Variants in HSPA12A observed in about 807,000 individuals in gnomAD.
HSPA12A encodes the protein heat shock protein family A (Hsp70) member 12A, also known as heat shock 70 kDa protein 12A.
In HSPA12A, 28 loss-of-function variants were observed where a neutral mutation model predicts 69.2. The ratio of observed to expected loss-of-function variants is 0.40; its 90% CI spans 0.30 to 0.55. HSPA12A has a LOEUF of 0.55. HSPA12A is among the 20% of genes least tolerant of loss of function. The pLI, the probability that HSPA12A is intolerant of heterozygous loss-of-function variation, is 0.38. For synonymous variants in HSPA12A, 345 were observed against 370.5 expected, an observed-to-expected ratio of 0.93 and a Z score of 0.79; for missense variants, 686 against 900.7, an observed-to-expected ratio of 0.76 and a Z score of 3.05.
intron 2 of HSPA12A, among the ~76,000 whole-genome samples, chr10:116,834,285 T>C (rs552017280): frequency 6.6e-6 from 1 of 152,294 alleles, no homozygotes; most frequent in Non-Finnish European, 1.5e-5. Flanking sequence ...GCCAGGACCT[T>C]TGGCAAACCA....
At chr10:116,706,143 C>T (rs1487990244) in intron 2 of HSPA12A, among the ~76,000 whole-genome samples, 1 of 151,880 alleles carries the variant, frequency 6.6e-6, no homozygotes, top group Non-Finnish European at 1.5e-5. Flanking sequence ...GATCTGCCCA[C>T]CTCAGCCTCC....
At chr10:116,688,574 G>GA (rs1430305905) in intron 6 of HSPA12A, among the ~76,000 whole-genome samples, 4 of 152,328 alleles carry the variant, frequency 2.6e-5, no homozygotes, top group South Asian at 2.1e-4. Context: ...CCACAGCTGA[G>GA]AAAAAATAGC....
chr10:116,822,417 C>G (rs1845423073), intron 2 of HSPA12A, among the ~76,000 whole-genome samples: 1 of 152,166 alleles, frequency 6.6e-6, no homozygotes, highest in African/African-American at 2.4e-5. Flanking sequence ...ATACAGAAAG[C>G]AGGAATCACC....
intron 2 of HSPA12A, chr10:116,828,930 A>C (rs1216705915): frequency 6.6e-6 from 1 of 152,236 alleles, no homozygotes; most frequent in Non-Finnish European, 1.5e-5. Flanking sequence ...ACTTTGGTGC[A>C]AAAGTGTGAG....
At chr10:116,727,555 T>C (rs1261222405) in intron 1 of HSPA12A, among the ~76,000 whole-genome samples, 1 of 152,116 alleles carries the variant, frequency 6.6e-6, no homozygotes, top group Non-Finnish European at 1.5e-5. Context: ...CAACTGAGGA[T>C]GATTTGACTT....
At chr10:116,782,618 G>A (rs1844487713) in intron 2 of HSPA12A, among the ~76,000 whole-genome samples, 1 of 152,228 alleles carries the variant, frequency 6.6e-6, no homozygotes, top group Non-Finnish European at 1.5e-5. Context: ...TGCCTCCTGT[G>A]TGACACTATT....
chr10:116,740,961 T>TAAAAAAAAAAA (rs5788190), intron 1 of HSPA12A, among the ~76,000 whole-genome samples: 2 of 84,708 alleles, frequency 2.4e-5, no homozygotes, highest in Non-Finnish European at 4.3e-5. Flanking sequence ...AGGAAAAAAG[T>TAAAAAAAAAAA]AAAAAAAAAA....
Position 116,705,125 on chromosome 10 carries a change from G to A in HSPA12A, c.254+26C>T, listed in dbSNP as rs781895772. 1.1e-5 allele frequency: 18 copies of A among 1,612,892 alleles called. No individual in the cohort carries two copies. In the East Asian group the frequency reaches 1.6e-4, roughly 14 times the overall value. On this transcript the variant is annotated intron_variant, in intron 3 of 11. Transcript: ENST00000369209. ...AGGTGCAGTGGTTGGCACCAGCCAC[G>A]TGGCCCTCCCACCCACAGCACTCAC... is the stretch of plus-strand genomic sequence containing the variant.
intron 1 of HSPA12A, among the ~76,000 whole-genome samples, chr10:116,847,413 C>T (rs1845910436): frequency 6.6e-6 from 1 of 152,210 alleles, no homozygotes; most frequent in African/African-American, 2.4e-5. Flanking sequence ...TGCAAGTTAA[C>T]TTCCTAAAAC....
At chr10:116,781,222 C>A (rs189405161) in intron 2 of HSPA12A, among the ~76,000 whole-genome samples, 1 of 152,072 alleles carries the variant, frequency 6.6e-6, no homozygotes, top group Non-Finnish European at 1.5e-5. Context: ...ATCTCTTGAG[C>A]CCAGGAGGCC....
At chr10:116,705,711 C>T (rs1468720368) in intron 2 of HSPA12A, among the ~76,000 whole-genome samples, 1 of 152,332 alleles carries the variant, frequency 6.6e-6, no homozygotes, top group East Asian at 1.9e-4. Flanking sequence ...CTCTGTACAC[C>T]CAGGTGACTG....
chr10:116,685,264 A>C (rs782467555), intron 6 of HSPA12A, among the ~76,000 whole-genome samples: 1 of 152,136 alleles, frequency 6.6e-6, no homozygotes, highest in African/African-American at 2.4e-5. Context: ...CATCAGGCGA[A>C]GTCGGCCTCA....
chr10:116,685,638 GAAAA>G (rs202232720), intron 6 of HSPA12A, among the ~76,000 whole-genome samples: 1 of 80,144 alleles, frequency 1.2e-5, no homozygotes, highest in Admixed American at 1.4e-4. Context: ...TCCATCTCAA[GAAAA>G]AAAAAAAAAA....
chr10:116,675,452 A>G lies in HSPA12A; in HGVS notation c.1391-34T>C, dbSNP rs782397063. ...GAAGAGGCAGGGAGAATGTCCTGTC[A>G]CCAAAAGCCAGCAAGGAAGGGGGAA... On this transcript the variant is annotated intron_variant, in intron 11 of 11. Transcript: ENST00000369209. The surrounding 1 kb of genome is among the most constrained non-coding windows in gnomAD (Gnocchi z 5.2). 26 of 1,516,030 alleles carry G rather than the reference A, an allele frequency of 1.7e-5. No homozygotes were observed. Among genetic ancestry groups the G allele is most frequent in the Non-Finnish European group, 2.3e-5 (26 of 1,131,370 alleles). 93.9% of individuals were successfully genotyped at this position (1,516,030 alleles called of 1,614,324 possible).
intron 1 of HSPA12A, among the ~76,000 whole-genome samples, chr10:116,713,011 T>TA (rs1554883335): frequency 2.3e-5 from 3 of 131,100 alleles, no homozygotes; most frequent in Non-Finnish European, 3.2e-5. Context: ...TATATATATA[T>TA]TTGCATTTCT....
chr10:116,770,077 T>C (rs1466897451), intron 2 of HSPA12A, among the ~76,000 whole-genome samples: 1 of 152,104 alleles, frequency 6.6e-6, no homozygotes, highest in Non-Finnish European at 1.5e-5. Context: ...TGGGGCAGGG[T>C]GCTGAACATG....
At chr10:116,755,281 T>C (rs2133092581) in intron 2 of HSPA12A, among the ~76,000 whole-genome samples, 1 of 152,242 alleles carries the variant, frequency 6.6e-6, no homozygotes, top group Non-Finnish European at 1.5e-5. Context: ...TGTTAATTGA[T>C]GCGAGGAGTA....
At chr10:116,747,177 A>G (rs553429140), upstream of HSPA12A, among the ~76,000 whole-genome samples, 47 of 152,284 alleles carry the variant, frequency 3.1e-4, no homozygotes, top group South Asian at 3.3e-3. Context: ...CTCCATTAAC[A>G]TTCCAAAACA....
At chr10:116,820,138 A>G (rs961767825) in intron 2 of HSPA12A, among the ~76,000 whole-genome samples, 10 of 152,202 alleles carry the variant, frequency 6.6e-5, no homozygotes, top group African/African-American at 2.2e-4. Context: ...ATGTGTTTTT[A>G]GTTGGTAAAA....
Sources: gnomAD v4.1 joint callset for allele counts (sites outside exome capture counted in the v4.1 genomes callset) on GRCh38, gnomAD v4.1.1 for gene constraint, Gnocchi (gnomAD v3.1) non-coding constraint, MANE v1.5 for transcripts, NCBI Gene and HGNC (gene_info 2026-07-23, HGNC 2026-07-21) for gene names.